Variants in FBXL20 observed in about 807,000 individuals in gnomAD.
FBXL20 encodes F-box and leucine rich repeat protein 20.
Under a neutral mutation model 64.0 loss-of-function variants are expected in FBXL20, and 11 were observed. The observed-to-expected ratio is 0.17, with a 90% CI of 0.11 to 0.28. The LOEUF is 0.28. Ranked by LOEUF, FBXL20 falls within the 10% of genes least tolerant of loss-of-function variation. The pLI is 1.00. For missense variants in FBXL20, 303 were observed against 526.2 expected (o/e 0.58, Z 4.15); for synonymous variants, 184 against 189.0 (o/e 0.97, Z 0.22).
intron 9 of FBXL20, among the ~76,000 whole-genome samples, chr17:39,280,059 C>G (rs1180534902): frequency 6.6e-6 from 1 of 151,882 alleles, no homozygotes; most frequent in Non-Finnish European, 1.5e-5. Flanking sequence ...ATAGTGAAAC[C>G]CCATCCCTAC....
intron 1 of FBXL20, among the ~76,000 whole-genome samples, chr17:39,370,382 T>A (rs2047904830): frequency 6.6e-6 from 1 of 151,570 alleles, no homozygotes; most frequent in Non-Finnish European, 1.5e-5. Context: ...TCCCAGCTAC[T>A]CAGGGGTTGA....
chr17:39,337,792 A>G (rs77367102), intron 2 of FBXL20, among the ~76,000 whole-genome samples: 1 of 149,404 alleles, frequency 6.7e-6, no homozygotes, highest in Non-Finnish European at 1.5e-5. Flanking sequence ...AGCCCCCGCC[A>G]GGCCAGCTGC....
upstream of FBXL20, chr17:39,402,188 A>G (rs2075739878): frequency 8.1e-7 from 1 of 1,232,392 alleles, no homozygotes; most frequent in Non-Finnish European, 1.0e-6. Flanking sequence ...CCTTGAACCC[A>G]AAGTGCAGCA....
chr17:39,345,601 C>A (rs1305442222), intron 1 of FBXL20, among the ~76,000 whole-genome samples: 2 of 151,886 alleles, frequency 1.3e-5, no homozygotes, highest in African/African-American at 4.8e-5. Context: ...AGTGCAATAG[C>A]ACAATCTCAG....
chr17:39,291,516 C>T (rs1162933410), intron 6 of FBXL20, among the ~76,000 whole-genome samples: 2 of 149,714 alleles, frequency 1.3e-5, no homozygotes, highest in Non-Finnish European at 3.0e-5. Context: ...TCACTGCAAC[C>T]TCTGCCTCCT....
In FBXL20 at chr17:39,337,563, G is replaced by A. The variant is rs377257794; in HGVS notation, c.104+5617C>T. 7.4e-4 allele frequency among the ~76,000 whole-genome samples: 104 copies of A among 140,124 alleles called. No individual in the cohort carries two copies. In the South Asian group the frequency reaches 0.013, roughly 18 times the overall value. The allele number at this position is 140,124 out of a possible 152,430, so 91.9% of individuals were successfully genotyped here. ...GGGAGCGCCTCTGCCCCGCCGCCCC[G>A]TCTGGGATGTGAGGAGCGCCTCTGC... On this transcript the variant is annotated intron_variant, in intron 2 of 14. Coordinates refer to ENST00000264658, the MANE Select transcript of FBXL20 (RefSeq NM_032875.3).
chr17:39,274,612 T>G lies in FBXL20; in HGVS notation c.827+358A>C, dbSNP rs144808322. The stretch of plus-strand genomic sequence containing the variant: ...CCCCCTGCTATGTACCTGGTATCAT[T>G]ACTATGACAAATGACCTTAGGGTGG... On this transcript the variant is annotated intron_variant, in intron 10 of 14. Coordinates refer to ENST00000264658, the MANE Select transcript of FBXL20 (RefSeq NM_032875.3). Among the ~76,000 whole-genome samples the G allele has an allele frequency of 4.2e-4, 64 of 152,366 alleles. 1 individual carries two copies. The East Asian group carries it at 0.011, about 26-fold the overall frequency.
rs368530587 is a variant in FBXL20 at position 39,289,998 on chromosome 17, CAAAAAAAAAAAAAAAAA to C, written c.399-4442_399-4426del. On this transcript the variant is annotated intron_variant, in intron 6 of 14. Coordinates refer to ENST00000264658, the MANE Select transcript of FBXL20 (RefSeq NM_032875.3). Reference sequence around the variant, plus strand: ...TGGGCAATAGTGCGAGACTCAGTCTCAAAAAAAAAAAAAAAAAAAAAAAAAAAAAATTCTATGTTTAT... The same window carrying C: ...TGGGCAATAGTGCGAGACTCAGTCTCAAAAAAAAAAAAATTCTATGTTTAT... 2.6e-4 allele frequency among the ~76,000 whole-genome samples: 11 copies of C among 41,878 alleles called. No homozygotes were observed. In the East Asian group the frequency reaches 0.011, roughly 41 times the overall value. The allele number at this position is 41,878 out of a possible 152,430, so 27.5% of individuals were successfully genotyped here.
At chr17:39,324,357 C>T (rs992111796) in intron 2 of FBXL20, among the ~76,000 whole-genome samples, 1 of 149,086 alleles carries the variant, frequency 6.7e-6, no homozygotes, top group Non-Finnish European at 1.5e-5. Flanking sequence ...GGCAGGATCT[C>T]GGCTCACCAC....
Position 39,272,060 on chromosome 17 carries a change from G to C in FBXL20, c.828-1204C>G, listed in dbSNP as rs189597066. On this transcript the variant is annotated intron_variant, in intron 10 of 14. Transcript: ENST00000264658. ...GCTCAGGAGTTCAAGACCAGCCTGG[G>C]CAACATACCAAGACTTCACCAGTAT... Among the ~76,000 whole-genome samples the C allele has an allele frequency of 1.9e-3, 285 of 152,106 alleles. 1 individual carries two copies. The highest frequency in any genetic ancestry group is 9.7e-4 in the East Asian group (5 of 5,168).
chr17:39,306,219 C>T (rs1038342904), intron 2 of FBXL20, among the ~76,000 whole-genome samples: 1 of 150,660 alleles, frequency 6.6e-6, no homozygotes, highest in African/African-American at 2.4e-5. Flanking sequence ...GGCACCATCT[C>T]GGCTCACTGC....
intron 1 of FBXL20, among the ~76,000 whole-genome samples, chr17:39,370,827 C>T (rs1282831075): frequency 6.6e-6 from 1 of 151,612 alleles, no homozygotes; most frequent in African/African-American, 2.4e-5. Context: ...AAAACATTGG[C>T]AACCTTATAT....
At chr17:39,347,722 T>C (rs1468207484) in intron 1 of FBXL20, among the ~76,000 whole-genome samples, 1 of 152,212 alleles carries the variant, frequency 6.6e-6, no homozygotes, top group Admixed American at 6.5e-5. Context: ...ATTTTGGCTT[T>C]TGTTGCCATT....
chr17:39,326,245 G>T (rs1252996355), intron 2 of FBXL20, among the ~76,000 whole-genome samples: 2 of 151,852 alleles, frequency 1.3e-5, no homozygotes, highest in African/African-American at 4.8e-5. Context: ...CCAGTCTCAG[G>T]TATTTAATTA....
At chr17:39,369,803 TTTTAAA>T (rs1597825171) in intron 1 of FBXL20, among the ~76,000 whole-genome samples, 2 of 152,120 alleles carry the variant, frequency 1.3e-5, no homozygotes, top group African/African-American at 4.8e-5. Flanking sequence ...CCCCACTACT[TTTTAAA>T]TTTTTCTGTA....
At chr17:39,362,825 G>A (rs1016689804) in intron 1 of FBXL20, among the ~76,000 whole-genome samples, 1 of 149,314 alleles carries the variant, frequency 6.7e-6, no homozygotes, top group Non-Finnish European at 1.5e-5. Context: ...TCACCTTGTT[G>A]GCCAGACTGG....
intron 2 of FBXL20, among the ~76,000 whole-genome samples, chr17:39,330,937 A>C (rs763688545): frequency 1.3e-5 from 2 of 152,232 alleles, no homozygotes; most frequent in Non-Finnish European, 2.9e-5. Flanking sequence ...GCAAGCCTTT[A>C]AAAATAAAAT....
At chr17:39,294,242 T>G (rs1474059589) in intron 6 of FBXL20, among the ~76,000 whole-genome samples, 1 of 151,970 alleles carries the variant, frequency 6.6e-6, no homozygotes, top group Non-Finnish European at 1.5e-5. Context: ...CCCAATGTGC[T>G]GGGATTACAG....
rs143824480 is a variant in FBXL20, at chr17:39,363,518, C to G, written c.43-20277G>C. Among the ~76,000 whole-genome samples, 23 of 151,870 alleles carry G rather than the reference C, an allele frequency of 1.5e-4. No homozygotes were observed. The East Asian group carries it at 4.5e-3, about 30-fold the overall frequency. On this transcript the variant is annotated intron_variant, in intron 1 of 14. Coordinates refer to ENST00000264658, the MANE Select transcript of FBXL20 (RefSeq NM_032875.3). ...AAATTAAGCCACATGTCTATACAAACAGATAAATAATGGGCCAAACAAGGT... is the reference window on the plus strand; with the variant it reads ...AAATTAAGCCACATGTCTATACAAAGAGATAAATAATGGGCCAAACAAGGT...
Sources: allele counts gnomAD v4.1 joint callset (sites outside exome capture counted in the v4.1 genomes callset), GRCh38; gene constraint gnomAD v4.1.1; transcripts MANE v1.5; gene names NCBI Gene and HGNC (gene_info 2026-07-23, HGNC 2026-07-21).